Variants in MYO19 observed in about 807,000 individuals in gnomAD.
MYO19 encodes the protein myosin XIX.
A neutral mutation model predicts 129.2 loss-of-function variants in MYO19; 132 were observed. That is an observed-to-expected ratio of 1.02 (90% CI 0.89 to 1.18). The LOEUF (loss-of-function observed/expected upper bound fraction) is 1.18. Ranked by LOEUF, MYO19 falls within the 50% of genes most tolerant of loss-of-function variation. MYO19 has a pLI of 0.00. For synonymous variants in MYO19, 531 were observed against 477.2 expected (o/e 1.11, Z -1.47); for missense variants, 1,210 against 1,216.7 (o/e 0.99, Z 0.08).
Position 36,528,200 on chromosome 17 carries a change from GACC to G in MYO19, c.13-1_14del, listed in dbSNP as rs1023367151. Reference sequence around the variant, plus strand: ...CATCAGACCCCGGATTGTGGCCATTGACCTGGAAGAGATAACGTGAAGGTGAGG... The same window carrying G: ...CATCAGACCCCGGATTGTGGCCATTGTGGAAGAGATAACGTGAAGGTGAGG... On this transcript the variant is annotated splice_acceptor_variant and coding_sequence_variant, in exon 4 of 26. Coordinates refer to ENST00000614623, the MANE Select transcript of MYO19 (RefSeq NM_001163735.2). LOFTEE classifies it high-confidence loss of function. 3 of 1,573,056 alleles carry G rather than the reference GACC, an allele frequency of 1.9e-6. No individual in the cohort carries two copies. The highest frequency in any genetic ancestry group is 2.6e-6 in the Non-Finnish European group (3 of 1,158,544).
At position 36,504,784 on chromosome 17, in the gene MYO19, A is replaced by G. The variant is rs73276770; in HGVS notation, c.1905+513T>C. The G allele has an allele frequency of 3.4e-3, 699 of 204,946 alleles. 9 individuals carry two copies. Among genetic ancestry groups the G allele is most frequent in the African/African-American group, 0.016 (683 of 43,016 alleles). 12.7% of individuals were successfully genotyped at this position (204,946 alleles called of 1,614,324 possible). ...AAAAATTAGCCAGGTGTGGTGGTGCATACCTGTAATTCCAGCTATTTGGGA... is the reference window on the plus strand; with the variant it reads ...AAAAATTAGCCAGGTGTGGTGGTGCGTACCTGTAATTCCAGCTATTTGGGA... On this transcript the variant is annotated intron_variant, in intron 19 of 25. Transcript: ENST00000614623.
intron 2 of MYO19, among the ~76,000 whole-genome samples, chr17:36,541,491 T>C (rs1249716108): frequency 6.6e-6 from 1 of 152,220 alleles, no homozygotes; most frequent in Non-Finnish European, 1.5e-5. Flanking sequence ...GGAGAACAGA[T>C]AGATCTCATT....
At position 36,510,797 on chromosome 17, in the gene MYO19, C is replaced by T. The variant is rs202065710; in HGVS notation, c.1106G>A (p.Arg369Gln). The T allele has an allele frequency of 4.1e-5, 65 of 1,603,914 alleles. No individual in the cohort carries two copies. Among genetic ancestry groups the T allele is most frequent in the South Asian group, 5.6e-5 (5 of 89,024 alleles). Residue 369 changes from arginine (R) to glutamine (Q), a missense_variant, in exon 13 of 26, where the codon CGA (arginine) becomes CAA (glutamine). Physicochemically the swap from Arg to Gln is conservative, Grantham distance 43. Transcript: ENST00000614623. ...QQQVFRKPCARAECDTRRDCL... is the reference protein window; with the variant it reads ...QQQVFRKPCAQAECDTRRDCL... ...GTCTCTACGGGTGTCACACTCGGCT[C>T]GGGCGCAGGGCTTCCGGAACACCTG... is the stretch of plus-strand genomic sequence containing the variant.
intron 6 of MYO19, among the ~76,000 whole-genome samples, chr17:36,519,865 G>A (rs752239669): frequency 6.6e-6 from 1 of 152,112 alleles, no homozygotes; most frequent in Non-Finnish European, 1.5e-5. Context: ...TAAGTTGACA[G>A]ATTTTTTTCT....
intron 21 of MYO19, chr17:36,502,839 T>C (rs1333114073): frequency 5.5e-6 from 3 of 544,192 alleles, no homozygotes; most frequent in Admixed American, 6.6e-5. Context: ...ATCCAATTTA[T>C]TCTCAGATAC....
At chr17:36,542,104 T>C (rs999879611) in exon 2 of MYO19, 2 of 152,218 alleles carry the variant, frequency 1.3e-5, no homozygotes, top group African/African-American at 4.8e-5. Context: ...CTTTTTCGCC[T>C]TTAAGAATAC....
intron 6 of MYO19, among the ~76,000 whole-genome samples, chr17:36,522,245 C>G (rs1439761927): frequency 2.0e-5 from 3 of 151,860 alleles, no homozygotes; most frequent in African/African-American, 7.3e-5. Flanking sequence ...CGTGGTGGCT[C>G]ACGCCTGTAA....
chr17:36,515,902 A>C lies in MYO19; in HGVS notation c.503T>G (p.Ile168Arg). 1 of 1,613,868 alleles carries C rather than the reference A, an allele frequency of 6.2e-7. No individual in the cohort carries two copies. The highest frequency in any genetic ancestry group is 8.5e-7 in the Non-Finnish European group (1 of 1,179,790). ...GTTGGAGTTCAGGATCCTCTGTTCTATCCTCTCTGCAATCTTGTGGCTCTC... is the reference window on the plus strand; with the variant it reads ...GTTGGAGTTCAGGATCCTCTGTTCTCTCCTCTCTGCAATCTTGTGGCTCTC... ...SWESHKIAERIEQRILNSNPV... is the reference protein window; with the variant it reads ...SWESHKIAERREQRILNSNPV... The change falls in exon 7 of 26, where the codon ATA (isoleucine) becomes AGA (arginine). Residue 168 changes from isoleucine (I) to arginine (R), a missense_variant. Coordinates refer to ENST00000614623, the MANE Select transcript of MYO19 (RefSeq NM_001163735.2).
At chr17:36,537,106 C>A (rs376634596), upstream of MYO19, 2 of 1,583,484 alleles carry the variant, frequency 1.3e-6, no homozygotes, top group African/African-American at 2.7e-5. Context: ...AGAAAAATGT[C>A]TGAAAAGCAG....
chr17:36,511,237 G>A, intron 12 of MYO19, 128 bp downstream of exon 12: 1 of 965,842 alleles, frequency 1.0e-6, no homozygotes, highest in Non-Finnish European at 1.6e-6. Context: ...CCAGGGCCAG[G>A]CCCTATGGTG....
intron 9 of MYO19, 49 bp from the exon 10 acceptor site, chr17:36,513,774 C>A: frequency 6.5e-7 from 1 of 1,545,444 alleles, no homozygotes; most frequent in Non-Finnish European, 8.9e-7. Context: ...TGAGAAAAGC[C>A]CAGGCCTGCA....
At chr17:36,513,062 T>TA in intron 11 of MYO19, 1 of 1,237,756 alleles carries the variant, frequency 8.1e-7, no homozygotes, top group South Asian at 1.9e-5. Context: ...GAGGACTGTT[T>TA]AAAAAACTAA....
intron 11 of MYO19, 192 bp downstream of exon 11, chr17:36,513,237 T>C (rs1159308571): frequency 3.4e-6 from 5 of 1,454,820 alleles, no homozygotes; most frequent in Non-Finnish European, 4.5e-6. Flanking sequence ...CTCTTCCTTA[T>C]GCCCCGTCCA....
chr17:36,518,527 A>AATATATATATATATAT (rs1555581707), intron 6 of MYO19, among the ~76,000 whole-genome samples: 81 of 41,424 alleles, frequency 2.0e-3, no homozygotes, highest in African/African-American at 3.4e-3. Context: ...AAAAAAAAAA[A>AATATATATATATATAT]ATATATATAT....
At chr17:36,498,776 C>G (rs1241493115) in intron 24 of MYO19, 3 of 603,294 alleles carry the variant, frequency 5.0e-6, no homozygotes, top group African/African-American at 3.7e-5. Flanking sequence ...TACTTGAAAA[C>G]AAGATAAGAG....
At position 36,509,117 on chromosome 17, in the gene MYO19, T is replaced by C. The variant is rs1444003184; in HGVS notation, c.1176A>G (p.Val392=). ...LIYARLFDWL[V]SVINSSICAD... is the part of the protein sequence containing the mutation. ...CACAGATGCTGCTGTTGATCACTGATACCAGCCAGTCAAACAACCTGTTGG... is the reference window on the plus strand; with the variant it reads ...CACAGATGCTGCTGTTGATCACTGACACCAGCCAGTCAAACAACCTGTTGG... The change falls in exon 14 of 26, where the codon GTA becomes GTG. Residue 392 remains valine (V), a synonymous_variant. Coordinates refer to ENST00000614623, the MANE Select transcript of MYO19 (RefSeq NM_001163735.2). 3.7e-6 allele frequency: 6 copies of C among 1,613,662 alleles called. No homozygotes were observed. The highest frequency in any genetic ancestry group is 1.7e-5 in the Admixed American group (1 of 59,982).
At chr17:36,497,589 CTTT>C (rs746721426) in intron 25 of MYO19, 19 of 817,976 alleles carry the variant, frequency 2.3e-5, no homozygotes, top group South Asian at 5.6e-5. Context: ...CTAAACCAAA[CTTT>C]TTTTTTTTTT....
Position 36,495,771 on chromosome 17 carries a change from TA to T in MYO19, c.*479del. 1 of 1,240,910 alleles carries T rather than the reference TA, an allele frequency of 8.1e-7. No homozygotes were observed. Among genetic ancestry groups the T allele is most frequent in the Non-Finnish European group, 1.0e-6 (1 of 993,210 alleles). 76.9% of individuals were successfully genotyped at this position (1,240,910 alleles called of 1,614,324 possible). On this transcript the variant is annotated 3_prime_UTR_variant, in exon 26 of 26. Transcript: ENST00000614623. ...ATTCTACTGTACATTGCATTATTCA[TA>T]ATTTAATTGTTTGAAATTACATTAA...
upstream of MYO19, among the ~76,000 whole-genome samples, chr17:36,536,799 G>A (rs2074143259): frequency 6.6e-6 from 1 of 152,358 alleles, no homozygotes; most frequent in East Asian, 1.9e-4. Flanking sequence ...ACAGGTGTGA[G>A]CCACCACGCC....
Sources: allele counts gnomAD v4.1 joint callset (sites outside exome capture counted in the v4.1 genomes callset), GRCh38; gene constraint gnomAD v4.1.1; transcripts MANE v1.5; gene names NCBI Gene and HGNC (gene_info 2026-07-23, HGNC 2026-07-21).